The following NFATC3 variants were observed in gnomAD, a reference collection of about 807,000 sequenced individuals.
NFATC3 encodes the protein nuclear factor of activated T-cells, cytoplasmic 3.
In NFATC3, 46 loss-of-function variants were observed where a neutral mutation model predicts 98.6. The observed-to-expected ratio is 0.47, with a 90% CI of 0.37 to 0.60. NFATC3 has a LOEUF of 0.60. NFATC3 is among the 20% of genes least tolerant of loss of function. The probability of loss-of-function intolerance (pLI) is 0.00; values close to 1 mark genes in which losing one functional copy is unlikely to be tolerated. For missense variants in NFATC3, 1,256 were observed against 1,295.5 expected (o/e 0.97, Z 0.47); for synonymous variants, 512 against 472.2 (o/e 1.08, Z -1.09).
chr16:68,151,194 A>T (rs944906192), intron 3 of NFATC3, among the ~76,000 whole-genome samples: 1 of 152,154 alleles, frequency 6.6e-6, no homozygotes, highest in African/African-American at 2.4e-5. Context: ...TCTTAAAAAA[A>T]AAAAAGTTTC....
intron 1 of NFATC3, among the ~76,000 whole-genome samples, chr16:68,102,990 T>C (rs953233666): frequency 6.6e-6 from 1 of 152,164 alleles, no homozygotes; most frequent in African/African-American, 2.4e-5. Context: ...TGCATGTTGG[T>C]CATTTGTATA....
At chr16:68,221,213 A>G (rs368587519) in intron 9 of NFATC3, 26 of 1,614,002 alleles carry the variant, frequency 1.6e-5, no homozygotes, top group Non-Finnish European at 2.1e-5. Context: ...TACCAGTAAT[A>G]ATTTTGACTT....
intron 9 of NFATC3, among the ~76,000 whole-genome samples, chr16:68,193,886 A>G (rs1475787593): frequency 1.5e-5 from 2 of 137,196 alleles, no homozygotes; most frequent in Non-Finnish European, 3.1e-5. Flanking sequence ...TATGTTTGTC[A>G]GGGAAGGATA....
intron 3 of NFATC3, among the ~76,000 whole-genome samples, chr16:68,143,300 A>G (rs995855224): frequency 5.9e-5 from 9 of 152,048 alleles, no homozygotes; most frequent in African/African-American, 2.2e-4. Context: ...CATTGTAGGA[A>G]TTACTTGAGA....
Position 68,191,791 on chromosome 16 carries a change from A to G in NFATC3, c.3106+16A>G. 1 of 1,613,264 alleles carries G rather than the reference A, an allele frequency of 6.2e-7. No individual in the cohort carries two copies. Among genetic ancestry groups the G allele is most frequent in the Non-Finnish European group, 8.5e-7 (1 of 1,179,322 alleles). On this transcript the variant is annotated intron_variant, in intron 9 of 9. Coordinates refer to ENST00000346183, the MANE Select transcript of NFATC3 (RefSeq NM_173165.3). Reference sequence around the variant, plus strand: ...TTAGATGATGGTAAGTTCATCTCTGATATGTTCTTGAAGTAGTGAAGATTC... The same window carrying G: ...TTAGATGATGGTAAGTTCATCTCTGGTATGTTCTTGAAGTAGTGAAGATTC...
chr16:68,185,309 G>A (rs899186372), intron 8 of NFATC3, among the ~76,000 whole-genome samples: 1 of 151,736 alleles, frequency 6.6e-6, no homozygotes, highest in African/African-American at 2.4e-5. Flanking sequence ...CTCCCTTTTT[G>A]TTTTTCATAC....
chr16:68,095,744 G>C (rs1456679284), intron 1 of NFATC3, among the ~76,000 whole-genome samples: 2 of 152,120 alleles, frequency 1.3e-5, no homozygotes. Context: ...CAGAGTCCTT[G>C]GGGATGGGCA....
chr16:68,138,723 G>A, intron 3 of NFATC3: 2 of 1,288,816 alleles, frequency 1.6e-6, no homozygotes, highest in Non-Finnish European at 2.0e-6. Context: ...GTCCCTGGCT[G>A]GGCAGCCTTT....
rs2042067206 is a variant in NFATC3, at chr16:68,227,898, C to G, written c.*1427C>G. ...GCCTCTGAAGTTTGCAGTATGCTTTCAAATGAAATAATATACTTCCATTGA... is the reference window on the plus strand; with the variant it reads ...GCCTCTGAAGTTTGCAGTATGCTTTGAAATGAAATAATATACTTCCATTGA... On this transcript the variant is annotated 3_prime_UTR_variant, in exon 10 of 10. Coordinates refer to ENST00000346183, the MANE Select transcript of NFATC3 (RefSeq NM_173165.3). 2 of 151,902 alleles carry G rather than the reference C, an allele frequency of 1.3e-5. No homozygotes were observed. Among genetic ancestry groups the G allele is most frequent in the Non-Finnish European group, 2.9e-5 (2 of 68,020 alleles). The allele number at this position is 151,902 out of a possible 1,614,324, so 9.4% of individuals were successfully genotyped here. A position where few individuals can be genotyped will look rare whatever the true frequency, so the allele number is the denominator to read the frequency against.
rs776898384 is a variant in NFATC3, at chr16:68,158,096, A to C, written c.1601+28A>C. On this transcript the variant is annotated intron_variant, in intron 4 of 9. Transcript: ENST00000346183. The stretch of plus-strand genomic sequence containing the variant: ...ATTTTGAAATATACCTAAAATGTGC[A>C]GTTCTTTTTTTCTCTATACTTTCAG... 6.0e-6 allele frequency: 9 copies of C among 1,493,440 alleles called. No homozygotes were observed. The African/African-American group carries it at 1.1e-4, about 18-fold the overall frequency. The allele number at this position is 1,493,440 out of a possible 1,614,324, so 92.5% of individuals were successfully genotyped here. A position where few individuals can be genotyped will look rare whatever the true frequency, so the allele number is the denominator to read the frequency against.
chr16:68,208,514 C>T (rs568202168), intron 9 of NFATC3, among the ~76,000 whole-genome samples: 29 of 152,090 alleles, frequency 1.9e-4, no homozygotes, highest in Admixed American at 1.7e-3. Context: ...AGTTCAAGAC[C>T]AACCTGGCTA....
At chr16:68,138,665 C>G (rs74851284) in intron 3 of NFATC3, 54,487 of 1,287,614 alleles carry the variant, frequency 0.042, 1,291 homozygotes, top group Middle Eastern at 0.11. Flanking sequence ...TTTTTGGCTA[C>G]AAGTAGTCAC....
At chr16:68,106,160 G>C (rs867627417) in intron 1 of NFATC3, among the ~76,000 whole-genome samples, 3 of 151,792 alleles carry the variant, frequency 2.0e-5, no homozygotes, top group African/African-American at 7.3e-5. Context: ...GTGAGCCGCC[G>C]CACCCGATCC....
intron 3 of NFATC3, among the ~76,000 whole-genome samples, chr16:68,149,209 C>T (rs1598446061): frequency 6.6e-6 from 1 of 152,014 alleles, no homozygotes; most frequent in East Asian, 1.9e-4. Flanking sequence ...GAAGGGAAGG[C>T]ATAATGGAAG....
intron 1 of NFATC3, among the ~76,000 whole-genome samples, chr16:68,093,298 G>A (rs1174764547): frequency 6.6e-6 from 1 of 150,750 alleles, no homozygotes; most frequent in Non-Finnish European, 1.5e-5. Context: ...GTTGCTAATT[G>A]TGTGATACTG....
chr16:68,224,367 G>A (rs2041971539), intron 9 of NFATC3, among the ~76,000 whole-genome samples: 2 of 128,016 alleles, frequency 1.6e-5, no homozygotes, highest in African/African-American at 6.0e-5. Context: ...ACCTCCACCC[G>A]CCGGGTTCAA....
At chr16:68,181,813 G>A (rs979168079) in intron 7 of NFATC3, among the ~76,000 whole-genome samples, 9 of 152,244 alleles carry the variant, frequency 5.9e-5, no homozygotes, top group Admixed American at 3.9e-4. Flanking sequence ...TGTAGTGCCA[G>A]CCACTTGGGA....
intron 9 of NFATC3, among the ~76,000 whole-genome samples, chr16:68,192,996 C>T (rs1163329905): frequency 6.6e-6 from 1 of 152,120 alleles, no homozygotes; most frequent in African/African-American, 2.4e-5. Flanking sequence ...TGCATGGGTT[C>T]CACACCTTGG....
chr16:68,183,844 C>A (rs1244268529), intron 8 of NFATC3, among the ~76,000 whole-genome samples: 1 of 151,776 alleles, frequency 6.6e-6, no homozygotes, highest in African/African-American at 2.4e-5. Context: ...TTCATCTTTA[C>A]TAAAAATACA....
Sources: gnomAD v4.1 joint callset for allele counts (sites outside exome capture counted in the v4.1 genomes callset) on GRCh38, gnomAD v4.1.1 for gene constraint, MANE v1.5 for transcripts, NCBI Gene and HGNC (gene_info 2026-07-23, HGNC 2026-07-21) for gene names.